Variants in KLHL29 observed in about 807,000 individuals in gnomAD.
KLHL29 encodes kelch like family member 29.
A neutral mutation model predicts 80.4 loss-of-function variants in KLHL29; 21 were observed. That is an observed-to-expected ratio of 0.26 (90% CI 0.19 to 0.38). KLHL29 has a LOEUF of 0.38. KLHL29 is among the 10% of genes least tolerant of loss of function. KLHL29 has a pLI of 1.00. For missense variants in KLHL29, 867 were observed against 1,223.9 expected (o/e 0.71, Z 4.35); for synonymous variants, 511 against 526.8 (o/e 0.97, Z 0.41).
intron 2 of KLHL29, among the ~76,000 whole-genome samples, chr2:23,510,605 A>G (rs569858795): frequency 1.8e-4 from 27 of 152,330 alleles, no homozygotes; most frequent in African/African-American, 6.3e-4. Context: ...CTTACAAACA[A>G]TAAGGCCTGG....
intron 5 of KLHL29, chr2:23,667,760 T>C (rs1670593838): frequency 1.3e-5 from 2 of 152,452 alleles, no homozygotes; most frequent in African/African-American, 4.8e-5. Flanking sequence ...CCGGGGTCTG[T>C]TCTATCTGAG....
rs749332944 is a variant in KLHL29 at position 23,655,215 on chromosome 2, G to A, written c.940+12365G>A. ...AGCCACTGGAGCTTGGGAGTCAGGCGGCCCTGGGGAGTCCTTCCTGTTGCT... is the reference window on the plus strand; with the variant it reads ...AGCCACTGGAGCTTGGGAGTCAGGCAGCCCTGGGGAGTCCTTCCTGTTGCT... On this transcript the variant is annotated intron_variant, in intron 5 of 13. Coordinates refer to ENST00000486442, the MANE Select transcript of KLHL29 (RefSeq NM_052920.2). Among the ~76,000 whole-genome samples the A allele has an allele frequency of 5.9e-5, 9 of 152,288 alleles. 1 individual carries two copies. In the East Asian group the frequency reaches 7.7e-4, roughly 13 times the overall value.
At chr2:23,497,188 G>T (rs987890372) in intron 2 of KLHL29, among the ~76,000 whole-genome samples, 4 of 152,086 alleles carry the variant, frequency 2.6e-5, no homozygotes, top group Admixed American at 1.3e-4. Context: ...ATTTCCGCTG[G>T]GTTGGTTGCT....
chr2:23,654,231 T>A (rs1670170019), intron 5 of KLHL29, among the ~76,000 whole-genome samples: 1 of 151,898 alleles, frequency 6.6e-6, no homozygotes, highest in African/African-American at 2.4e-5. Context: ...GAACACCTAG[T>A]CAGCTATGTT....
At chr2:23,397,156 G>A (rs1281302940) in intron 1 of KLHL29, among the ~76,000 whole-genome samples, 2 of 152,180 alleles carry the variant, frequency 1.3e-5, no homozygotes, top group South Asian at 2.1e-4. Flanking sequence ...GGAGAACCTC[G>A]TCAGGAGAGC....
At chr2:23,478,813 C>T (rs541982631) in intron 2 of KLHL29, among the ~76,000 whole-genome samples, 75 of 152,176 alleles carry the variant, frequency 4.9e-4, no homozygotes, top group Admixed American at 2.9e-3. Flanking sequence ...AAACGAAATG[C>T]CCTAGATGCC....
chr2:23,586,753 T>C (rs867416677), intron 3 of KLHL29, among the ~76,000 whole-genome samples: 4 of 152,130 alleles, frequency 2.6e-5, no homozygotes, highest in Non-Finnish European at 4.4e-5. Flanking sequence ...TGCTTGAGCT[T>C]AGCCCCTCCT....
At chr2:23,529,762 C>G (rs1402134758) in intron 2 of KLHL29, among the ~76,000 whole-genome samples, 2 of 152,258 alleles carry the variant, frequency 1.3e-5, no homozygotes, top group Non-Finnish European at 2.9e-5. Context: ...TGCGGGCTGG[C>G]TCTGGGGTTC....
At position 23,673,971 on chromosome 2, in the gene KLHL29, C is replaced by T. The variant is rs1469457549; in HGVS notation, c.941-10428C>T. Among the ~76,000 whole-genome samples the T allele has an allele frequency of 1.4e-4, 21 of 152,322 alleles. No homozygotes were observed. In the East Asian group the frequency reaches 4.1e-3, roughly 29 times the overall value. ...CACACCAGTGACCTTCAGTCCCTAA[C>T]ATGGCCCTCTCACACCTCAGCCTGT... On this transcript the variant is annotated intron_variant, in intron 5 of 13. Transcript: ENST00000486442.
chr2:23,515,655 C>G (rs984176282), intron 2 of KLHL29, among the ~76,000 whole-genome samples: 2 of 152,264 alleles, frequency 1.3e-5, no homozygotes, highest in African/African-American at 4.8e-5. Flanking sequence ...TCCTGGCCCA[C>G]AGAAGGTCTC....
intron 2 of KLHL29, among the ~76,000 whole-genome samples, chr2:23,525,874 C>G (rs1666298996): frequency 6.6e-6 from 1 of 152,220 alleles, no homozygotes; most frequent in African/African-American, 2.4e-5. Flanking sequence ...CAGGCCCCAC[C>G]TGTCCTGATG....
chr2:23,597,479 A>G (rs1400258592), intron 3 of KLHL29, among the ~76,000 whole-genome samples: 3 of 125,474 alleles, frequency 2.4e-5, no homozygotes, highest in African/African-American at 9.4e-5. Context: ...GCTGGAGTGC[A>G]GTGGCACAAT....
In KLHL29 at chr2:23,557,058, G is replaced by A. The variant is rs563060695; in HGVS notation, c.-45-5094G>A. Among the ~76,000 whole-genome samples, 146 of 152,278 alleles carry A rather than the reference G, an allele frequency of 9.6e-4. 1 individual carries two copies. Among genetic ancestry groups the A allele is most frequent in the African/African-American group, 3.2e-3 (134 of 41,534 alleles). On this transcript the variant is annotated intron_variant, in intron 2 of 13. Coordinates refer to ENST00000486442, the MANE Select transcript of KLHL29 (RefSeq NM_052920.2). ...CCTGTGCCAGGCTCTGGCAGTTCAC[G>A]GGCAGCCTGCCAGGAAAGGGGGCTC...
At chr2:23,421,552 G>A (rs77048752) in intron 1 of KLHL29, among the ~76,000 whole-genome samples, 3 of 131,220 alleles carry the variant, frequency 2.3e-5, no homozygotes, top group Non-Finnish European at 4.6e-5. Flanking sequence ...GTGTGTGTGT[G>A]TGTGTGTGTG....
At position 23,562,559 on chromosome 2, in the gene KLHL29, G is replaced by A; in HGVS notation, c.285+78G>A. ...CCTGCAGGCTCAGGCCAGCCCCACAGGCTCCTGTGGGGCAGCCTGTGCTCC... is the reference window on the plus strand; with the variant it reads ...CCTGCAGGCTCAGGCCAGCCCCACAAGCTCCTGTGGGGCAGCCTGTGCTCC... On this transcript the variant is annotated intron_variant, in intron 3 of 13. Transcript: ENST00000486442. This position sits in a 1 kb window ranked among gnomAD's most constrained non-coding sequence, Gnocchi z 4.5. 1.4e-6 allele frequency: 2 copies of A among 1,419,620 alleles called. No homozygotes were observed. Among genetic ancestry groups the A allele is most frequent in the Non-Finnish European group, 1.9e-6 (2 of 1,063,064 alleles). 87.9% of individuals were successfully genotyped at this position (1,419,620 alleles called of 1,614,324 possible).
At chr2:23,640,245 T>C (rs555313188) in intron 4 of KLHL29, among the ~76,000 whole-genome samples, 1 of 152,184 alleles carries the variant, frequency 6.6e-6, no homozygotes, top group Non-Finnish European at 1.5e-5. Flanking sequence ...CCCAATTATG[T>C]TCCCTGCAGA....
At chr2:23,440,774 A>G (rs1443883907) in intron 1 of KLHL29, among the ~76,000 whole-genome samples, 2 of 152,228 alleles carry the variant, frequency 1.3e-5, no homozygotes, top group Admixed American at 6.5e-5. Flanking sequence ...CAAAACCACA[A>G]TGAGATACCA....
Position 23,465,375 on chromosome 2 carries a change from C to T in KLHL29, c.-153-10185C>T, listed in dbSNP as rs1202774623. ...CCTGCTCACGCCTCTCACCTCCTGC[C>T]TCTCTGTGTGTGAGGGCACCTAGCA... On this transcript the variant is annotated intron_variant, in intron 1 of 13. Coordinates refer to ENST00000486442, the MANE Select transcript of KLHL29 (RefSeq NM_052920.2). 2.0e-5 allele frequency among the ~76,000 whole-genome samples: 3 copies of T among 152,254 alleles called. No individual in the cohort carries two copies. In the South Asian group the frequency reaches 6.2e-4, roughly 31 times the overall value.
chr2:23,597,508 C>T (rs1668458961), intron 3 of KLHL29, among the ~76,000 whole-genome samples: 1 of 144,398 alleles, frequency 6.9e-6, no homozygotes, highest in Non-Finnish European at 1.5e-5. Flanking sequence ...ACTGCAACCT[C>T]TGCCTCCCAG....
Sources: allele counts gnomAD v4.1 joint callset (sites outside exome capture counted in the v4.1 genomes callset), GRCh38; gene constraint gnomAD v4.1.1; non-coding constraint Gnocchi (gnomAD v3.1); transcripts MANE v1.5; gene names NCBI Gene and HGNC (gene_info 2026-07-23, HGNC 2026-07-21).